ERBB4: variants seen among roughly 807,000 people sequenced by gnomAD.
ERBB4 encodes the protein erb-b2 receptor tyrosine kinase 4, also known as receptor tyrosine-protein kinase erbB-4.
Under a neutral mutation model 158.0 loss-of-function variants are expected in ERBB4, and 42 were observed. The observed-to-expected ratio is 0.27, with a 90% CI of 0.21 to 0.34. The LOEUF is 0.34. Ranked by LOEUF, ERBB4 falls within the 10% of genes least tolerant of loss-of-function variation. ERBB4 has a pLI of 1.00. For missense variants in ERBB4, 1,333 were observed against 1,624.1 expected (o/e 0.82, Z 3.08); for synonymous variants, 583 against 558.7 (o/e 1.04, Z -0.61).
intron 2 of ERBB4, among the ~76,000 whole-genome samples, chr2:212,092,893 G>A (rs7566735): frequency 7.2e-5 from 11 of 152,094 alleles, no homozygotes; most frequent in African/African-American, 2.7e-4. Context: ...AACCAACGTG[G>A]CACGTGTATA....
intron 15 of ERBB4, among the ~76,000 whole-genome samples, chr2:211,664,140 T>C (rs2071530759): frequency 6.6e-6 from 1 of 152,210 alleles, no homozygotes; most frequent in Non-Finnish European, 1.5e-5. Flanking sequence ...GTTAAGCTTA[T>C]TTCTTGACCT....
chr2:211,930,233 C>A (rs2080136796), intron 3 of ERBB4, among the ~76,000 whole-genome samples: 1 of 152,076 alleles, frequency 6.6e-6, no homozygotes, highest in South Asian at 2.1e-4. Context: ...GCCCAGCAAA[C>A]AAGGGAGACA....
At chr2:211,865,523 T>A (rs1443314643) in intron 3 of ERBB4, among the ~76,000 whole-genome samples, 2 of 152,228 alleles carry the variant, frequency 1.3e-5, no homozygotes, top group African/African-American at 4.8e-5. Context: ...GTTTCACTCT[T>A]GTTTCCCAGG....
rs146812113 is a variant in ERBB4 at position 212,394,642 on chromosome 2, G to A, written c.82+143807C>T. Among the ~76,000 whole-genome samples the A allele has an allele frequency of 6.6e-5, 10 of 151,964 alleles. No homozygotes were observed. The East Asian group carries it at 9.7e-4, about 15-fold the overall frequency. On this transcript the variant is annotated intron_variant, in intron 1 of 27. Transcript: ENST00000342788. ...ACTTATGTTAAATATTTTCTTCCAC[G>A]TGCTTCCATGTGCTTATTTCATGTG...
intron 1 of ERBB4, among the ~76,000 whole-genome samples, chr2:212,497,009 G>A (rs1690612787): frequency 6.6e-6 from 1 of 151,798 alleles, no homozygotes; most frequent in South Asian, 2.1e-4. Flanking sequence ...GTGAAATCCT[G>A]TCTCTACTAA....
At chr2:211,737,578 C>T (rs554650219) in intron 5 of ERBB4, among the ~76,000 whole-genome samples, 6 of 152,128 alleles carry the variant, frequency 3.9e-5, no homozygotes, top group Non-Finnish European at 7.4e-5. Context: ...TTTCACTTTA[C>T]GTAATAGCTG....
intron 5 of ERBB4, among the ~76,000 whole-genome samples, chr2:211,748,708 T>G (rs2075043215): frequency 6.6e-6 from 1 of 152,176 alleles, no homozygotes; most frequent in Admixed American, 6.5e-5. Flanking sequence ...AATAAGTGAA[T>G]AAATAAAATA....
At chr2:212,353,950 C>T (rs1212582752) in intron 1 of ERBB4, among the ~76,000 whole-genome samples, 1 of 152,062 alleles carries the variant, frequency 6.6e-6, no homozygotes, top group African/African-American at 2.4e-5. Context: ...TCCACATGTG[C>T]TAGATGGTGT....
At chr2:211,405,075 T>C (rs145694660) in intron 25 of ERBB4, among the ~76,000 whole-genome samples, 323 of 152,280 alleles carry the variant, frequency 2.1e-3, no homozygotes, top group African/African-American at 7.5e-3. Context: ...TACATCCTCA[T>C]ATATACCTGT....
intron 1 of ERBB4, among the ~76,000 whole-genome samples, chr2:212,249,591 T>G (rs543837214): frequency 6.6e-6 from 1 of 151,820 alleles, no homozygotes; most frequent in Non-Finnish European, 1.5e-5. Flanking sequence ...AAAAACACCA[T>G]AGAATTAAAA....
chr2:211,572,200 A>G (rs1365975048), intron 19 of ERBB4, among the ~76,000 whole-genome samples: 3 of 152,208 alleles, frequency 2.0e-5, no homozygotes, highest in Admixed American at 2.0e-4. Context: ...CTACAAACAT[A>G]CAAAATATCA....
intron 27 of ERBB4, among the ~76,000 whole-genome samples, chr2:211,386,086 T>C (rs1435817619): frequency 6.6e-6 from 1 of 152,176 alleles, no homozygotes; most frequent in Admixed American, 6.5e-5. Context: ...CTGTTGACAC[T>C]AAAGACTGCG....
At chr2:212,190,763 T>C (rs749089679) in intron 1 of ERBB4, among the ~76,000 whole-genome samples, 8 of 152,148 alleles carry the variant, frequency 5.3e-5, no homozygotes, top group Non-Finnish European at 1.2e-4. Context: ...CTTAAATGAA[T>C]GTATTTTGGA....
chr2:212,362,163 C>T (rs942162543), intron 1 of ERBB4, among the ~76,000 whole-genome samples: 1 of 151,248 alleles, frequency 6.6e-6, no homozygotes, highest in Non-Finnish European at 1.5e-5. Context: ...AATTCAGTGG[C>T]TATCATTTTT....
intron 1 of ERBB4, among the ~76,000 whole-genome samples, chr2:212,424,331 TC>T (rs1236589762): frequency 5.9e-5 from 9 of 152,052 alleles, no homozygotes; most frequent in African/African-American, 1.9e-4. Flanking sequence ...GGTAGGACTT[TC>T]CCTGCCACTA....
intron 3 of ERBB4, among the ~76,000 whole-genome samples, chr2:211,896,539 TC>T (rs1329175437): frequency 6.6e-6 from 1 of 152,178 alleles, no homozygotes; most frequent in African/African-American, 2.4e-5. Context: ...CTAATGGATT[TC>T]TTTATTTCTA....
intron 1 of ERBB4, among the ~76,000 whole-genome samples, chr2:212,527,587 A>T (rs755745755): frequency 2.6e-5 from 4 of 152,040 alleles, no homozygotes; most frequent in Admixed American, 2.6e-4. Context: ...GAACCCCTCT[A>T]TTGTACTGGT....
intron 2 of ERBB4, among the ~76,000 whole-genome samples, chr2:212,117,561 A>G (rs1420368385): frequency 2.6e-5 from 4 of 152,188 alleles, no homozygotes; most frequent in African/African-American, 9.6e-5. Flanking sequence ...TGACAAATAT[A>G]CCACTTCATT....
rs144971602 is a variant in ERBB4 at position 212,256,497 on chromosome 2, G to C, written c.83-131594C>G. Among the ~76,000 whole-genome samples the C allele has an allele frequency of 4.6e-5, 7 of 152,286 alleles. No homozygotes were observed. The East Asian group carries it at 1.3e-3, about 29-fold the overall frequency. On this transcript the variant is annotated intron_variant, in intron 1 of 27. Transcript: ENST00000342788. ...ACCAAAATGGAAATGGGAAAAATAA[G>C]AAAGTTACATGCGTTCTTTTGGAAA...
Sources: allele counts gnomAD v4.1 joint callset (sites outside exome capture counted in the v4.1 genomes callset), GRCh38; gene constraint gnomAD v4.1.1; transcripts MANE v1.5; gene names NCBI Gene and HGNC (gene_info 2026-07-23, HGNC 2026-07-21).